The following NID2 variants were observed in gnomAD, a reference collection of about 807,000 sequenced individuals.
NID2 encodes nidogen 2, also known as nidogen-2.
In NID2, 83 loss-of-function variants were observed where a neutral mutation model predicts 145.4. That is an observed-to-expected ratio of 0.57 (90% CI 0.48 to 0.69). The LOEUF (loss-of-function observed/expected upper bound fraction) is 0.69. NID2 is among the 30% of genes least tolerant of loss of function. NID2 has a pLI of 0.00. For synonymous variants in NID2, 739 were observed against 701.3 expected (o/e 1.05, Z -0.85); for missense variants, 1,807 against 1,765.7 (o/e 1.02, Z -0.42).
At chr14:52,032,818 C>A (rs543514363) in intron 9 of NID2, among the ~76,000 whole-genome samples, 6 of 37,860 alleles carry the variant, frequency 1.6e-4, no homozygotes, top group African/African-American at 4.4e-4. Flanking sequence ...AAAAAAAAAT[C>A]TCAGCTCAAA....
chr14:52,019,928 G>GA (rs35025841), intron 13 of NID2, 131 bp downstream of exon 13: 3 of 1,313,748 alleles, frequency 2.3e-6, no homozygotes, highest in South Asian at 1.4e-5. Flanking sequence ...GGTAACCAAG[G>GA]AAAAAAATCC....
intron 12 of NID2, 51 bp downstream of exon 12, chr14:52,027,150 G>A (rs1473778621): frequency 1.4e-6 from 2 of 1,426,030 alleles, no homozygotes; most frequent in Non-Finnish European, 1.9e-6. Flanking sequence ...ATGTGGGGAT[G>A]TGCATCCAAA....
At chr14:52,011,976 TAA>T (rs966615128) in intron 16 of NID2, 12 of 291,710 alleles carry the variant, frequency 4.1e-5, no homozygotes, top group Middle Eastern at 1.0e-3. Context: ...TAAGTGCTTG[TAA>T]AGTGTCCTAA....
At chr14:52,005,527 T>G in intron 21 of NID2, 31 bp from the exon 22 acceptor site, 2 of 1,591,568 alleles carry the variant, frequency 1.3e-6, no homozygotes, top group Non-Finnish European at 1.7e-6. Flanking sequence ...TGGGACAGGG[T>G]GGTGGGTGAG....
chr14:52,054,747 T>C (rs1451690131), intron 3 of NID2, among the ~76,000 whole-genome samples: 1 of 152,196 alleles, frequency 6.6e-6, no homozygotes, highest in Non-Finnish European at 1.5e-5. Context: ...AAGATCAGGT[T>C]CAGTTTTCAC....
At chr14:52,041,665 C>T (rs1341067572) in intron 7 of NID2, among the ~76,000 whole-genome samples, 3 of 152,120 alleles carry the variant, frequency 2.0e-5, no homozygotes, top group Non-Finnish European at 2.9e-5. Context: ...TGTGCAGGTT[C>T]AAGTCTGGGG....
chr14:52,025,978 T>C (rs1891573714), intron 12 of NID2, among the ~76,000 whole-genome samples: 4 of 152,208 alleles, frequency 2.6e-5, no homozygotes, highest in African/African-American at 9.7e-5. Flanking sequence ...TCAGCATAAA[T>C]TGTTCGAGAA....
At chr14:52,043,560 G>C (rs946814296) in intron 5 of NID2, among the ~76,000 whole-genome samples, 16 of 152,130 alleles carry the variant, frequency 1.1e-4, no homozygotes, top group African/African-American at 3.9e-4. Context: ...AACTATGATG[G>C]GTATGGTACA....
chr14:52,006,740 G>C, intron 19 of NID2, 80 bp from the exon 20 acceptor site: 3 of 1,440,682 alleles, frequency 2.1e-6, no homozygotes, highest in Non-Finnish European at 2.9e-6. Context: ...GTGACACAGT[G>C]ATAGAATGGG....
intron 9 of NID2, among the ~76,000 whole-genome samples, chr14:52,031,174 G>A (rs142227142): frequency 6.3e-4 from 96 of 152,230 alleles, no homozygotes; most frequent in African/African-American, 2.2e-3. Context: ...GGTATTGGAA[G>A]GAGTGTCAGA....
intron 5 of NID2, 26 bp downstream of exon 5, chr14:52,053,553 A>C (rs1468915680): frequency 1.3e-6 from 2 of 1,592,952 alleles, no homozygotes; most frequent in South Asian, 1.1e-5. Flanking sequence ...ATGAAACCTT[A>C]GCACCCAGTT....
Position 52,020,092 on chromosome 14 carries a change from C to T in NID2, c.2761G>A (p.Gly921Arg), listed in dbSNP as rs148568809. ...PGSFSCRCQPGYYGDGFQCIP... is the reference protein window; with the variant it reads ...PGSFSCRCQPRYYGDGFQCIP... ...CACTGAAATCCATCCCCATAATATC[C>T]GGGTTGACAACGGCAGGAGAAGGAA... is the stretch of plus-strand genomic sequence containing the variant. The change falls in exon 13 of 22, where the codon GGA (glycine) becomes AGA (arginine). Residue 921 changes from glycine to arginine, a missense_variant. Coordinates refer to ENST00000216286, the MANE Select transcript of NID2 (RefSeq NM_007361.4). The T allele has an allele frequency of 1.8e-4, 294 of 1,613,922 alleles. 2 individuals are homozygous for T. The highest frequency in any genetic ancestry group is 2.3e-4 in the Non-Finnish European group (270 of 1,179,938).
chr14:52,036,295 C>CT (rs1595031569), intron 9 of NID2, among the ~76,000 whole-genome samples: 1 of 152,106 alleles, frequency 6.6e-6, no homozygotes, highest in African/African-American at 2.4e-5. Context: ...CACTGACTAC[C>CT]TTCACTTAAG....
rs772779711 is a variant in NID2, at chr14:52,014,146, G to A, written c.3420+141C>T. 11 of 1,018,532 alleles carry A rather than the reference G, an allele frequency of 1.1e-5. No individual in the cohort carries two copies. In the East Asian group the frequency reaches 1.7e-4, roughly 16 times the overall value. 63.1% of individuals were successfully genotyped at this position (1,018,532 alleles called of 1,614,324 possible). On this transcript the variant is annotated intron_variant, in intron 16 of 21. Coordinates refer to ENST00000216286, the MANE Select transcript of NID2 (RefSeq NM_007361.4). Reference sequence around the variant, plus strand: ...GCCCTGGTCCTATGGTGGTGGCATCGGGCCCATGCCGATGGGCTGCAGCTC... The same window carrying A: ...GCCCTGGTCCTATGGTGGTGGCATCAGGCCCATGCCGATGGGCTGCAGCTC...
At chr14:52,036,590 T>C (rs546157705) in intron 9 of NID2, among the ~76,000 whole-genome samples, 1 of 152,354 alleles carries the variant, frequency 6.6e-6, no homozygotes, top group African/African-American at 2.4e-5. Flanking sequence ...ATTTTGTTTT[T>C]CACAGTAGCC....
chr14:52,054,227 A>T lies in NID2; in HGVS notation c.862T>A (p.Ser288Thr). The change falls in exon 4 of 22, where the codon TCC (serine) becomes ACC (threonine). Residue 288 changes from serine (S) to threonine (T), a missense_variant. By Grantham distance (58) the Ser-to-Thr change is moderately conservative. Coordinates refer to ENST00000216286, the MANE Select transcript of NID2 (RefSeq NM_007361.4). The stretch of plus-strand genomic sequence containing the variant: ...AGGGGAACAGAAGAGTGGGCAGCGG[A>T]AAGGTCTCCAACTGCAGCTGGCCTG... ...NVRPAAVGDL[S>T]AAHSSVPLGR... is the part of the protein sequence containing the mutation. 6.2e-7 allele frequency: 1 copy of T among 1,614,192 alleles called. No homozygotes were observed. The highest frequency in any genetic ancestry group is 8.5e-7 in the Non-Finnish European group (1 of 1,180,036).
chr14:52,030,586 GAA>G (rs1336362832), intron 9 of NID2, among the ~76,000 whole-genome samples: 8 of 24,266 alleles, frequency 3.3e-4, no homozygotes, highest in South Asian at 3.0e-3. Flanking sequence ...GGGAAAGAAA[GAA>G]AGAAAGAAAG....
intron 5 of NID2, among the ~76,000 whole-genome samples, chr14:52,051,050 G>A (rs1414307640): frequency 6.6e-6 from 1 of 152,220 alleles, no homozygotes; most frequent in African/African-American, 2.4e-5. Context: ...AAGCATGCTT[G>A]CACATCCATC....
intron 9 of NID2, among the ~76,000 whole-genome samples, chr14:52,031,704 C>T (rs1397557437): frequency 6.6e-6 from 1 of 152,202 alleles, no homozygotes; most frequent in Non-Finnish European, 1.5e-5. Flanking sequence ...CATTTTACCA[C>T]CTCCTCCTGG....
Sources: gnomAD v4.1 joint callset for allele counts (sites outside exome capture counted in the v4.1 genomes callset) on GRCh38, gnomAD v4.1.1 for gene constraint, MANE v1.5 for transcripts, NCBI Gene and HGNC (gene_info 2026-07-23, HGNC 2026-07-21) for gene names.